Variants in RCAN2 observed in about 807,000 individuals in gnomAD.
RCAN2 encodes regulator of calcineurin 2.
A neutral mutation model predicts 23.6 loss-of-function variants in RCAN2; 9 were observed. The observed-to-expected ratio is 0.38, with a 90% CI of 0.23 to 0.67. The LOEUF is 0.67. Ranked by LOEUF, RCAN2 falls within the 30% of genes least tolerant of loss-of-function variation. The probability of loss-of-function intolerance (pLI) is 0.51; values close to 1 mark genes in which losing one functional copy is unlikely to be tolerated. For synonymous variants in RCAN2, 109 were observed against 115.7 expected (o/e 0.94, Z 0.37); for missense variants, 273 against 302.3 (o/e 0.90, Z 0.72).
At chr6:46,274,777 T>C (rs1377411534) in intron 2 of RCAN2, among the ~76,000 whole-genome samples, 2 of 152,074 alleles carry the variant, frequency 1.3e-5, no homozygotes, top group Non-Finnish European at 2.9e-5. Context: ...TTTCCCATAG[T>C]TCTAGAGTGT....
intron 2 of RCAN2, among the ~76,000 whole-genome samples, chr6:46,322,251 A>T (rs750297942): frequency 3.9e-5 from 6 of 152,232 alleles, no homozygotes; most frequent in Non-Finnish European, 7.3e-5. Context: ...ACACACAGAA[A>T]TTCTGCAGTT....
intron 2 of RCAN2, among the ~76,000 whole-genome samples, chr6:46,332,475 A>T (rs990065643): frequency 8.3e-6 from 1 of 120,994 alleles, no homozygotes; most frequent in Non-Finnish European, 1.6e-5. Context: ...CCACCCCACA[A>T]CAGTCCCCAG....
At chr6:46,390,337 G>T (rs1765895230) in intron 2 of RCAN2, among the ~76,000 whole-genome samples, 1 of 152,204 alleles carries the variant, frequency 6.6e-6, no homozygotes, top group African/African-American at 2.4e-5. Context: ...CATCATGGAT[G>T]AATGGAATGC....
chr6:46,266,134 C>T (rs182437337), intron 2 of RCAN2, among the ~76,000 whole-genome samples: 2 of 152,268 alleles, frequency 1.3e-5, no homozygotes, highest in Admixed American at 1.3e-4. Flanking sequence ...CCCAGATAAT[C>T]AGTAGCCCAT....
intron 1 of RCAN2, among the ~76,000 whole-genome samples, chr6:46,474,814 G>T (rs537819993): frequency 1.3e-5 from 2 of 152,310 alleles, no homozygotes; most frequent in African/African-American, 2.4e-5. Context: ...GAACACAATT[G>T]GGGGTGAGTA....
At chr6:46,356,169 C>G (rs910368987) in intron 2 of RCAN2, among the ~76,000 whole-genome samples, 3 of 152,158 alleles carry the variant, frequency 2.0e-5, no homozygotes, top group Non-Finnish European at 2.9e-5. Flanking sequence ...AGAAGTGGAA[C>G]GCCTGGAAAA....
intron 2 of RCAN2, among the ~76,000 whole-genome samples, chr6:46,433,932 T>C (rs1339333766): frequency 2.6e-5 from 4 of 152,228 alleles, no homozygotes; most frequent in African/African-American, 2.4e-5. Context: ...CTGCACACAA[T>C]TGGTGGAGCG....
intron 1 of RCAN2, among the ~76,000 whole-genome samples, chr6:46,480,201 G>C (rs1343442239): frequency 1.3e-5 from 2 of 152,180 alleles, no homozygotes; most frequent in African/African-American, 2.4e-5. Flanking sequence ...AATTATAGGA[G>C]AGTAACTCAA....
At chr6:46,277,273 C>G (rs952514269) in intron 2 of RCAN2, among the ~76,000 whole-genome samples, 1 of 152,130 alleles carries the variant, frequency 6.6e-6, no homozygotes, top group African/African-American at 2.4e-5. Flanking sequence ...GTTAATTTTC[C>G]TATTAGGAAG....
chr6:46,289,971 A>T (rs1762492991), intron 2 of RCAN2, among the ~76,000 whole-genome samples: 1 of 152,124 alleles, frequency 6.6e-6, no homozygotes, highest in Non-Finnish European at 1.5e-5. Context: ...CATGTTTTTC[A>T]TTCCCCAAGG....
chr6:46,234,308 C>T (rs1473257821), intron 4 of RCAN2, among the ~76,000 whole-genome samples: 1 of 152,206 alleles, frequency 6.6e-6, no homozygotes, highest in African/African-American at 2.4e-5. Flanking sequence ...TGCTGAGAAC[C>T]ACAAAATAAA....
At chr6:46,367,053 A>ATATATATATATATATATATATATATC (rs1561877011) in intron 2 of RCAN2, among the ~76,000 whole-genome samples, 1 of 126,384 alleles carries the variant, frequency 7.9e-6, no homozygotes. Context: ...ATATATATAT[A>ATATATATATATATATATATATATATC]TCCTAGCTGA....
At chr6:46,455,868 GAA>G (rs1561912912) in intron 2 of RCAN2, among the ~76,000 whole-genome samples, 2 of 131,790 alleles carry the variant, frequency 1.5e-5, no homozygotes, top group African/African-American at 5.8e-5. Context: ...AAAAAAAAAA[GAA>G]AGAAAGAAAG....
chr6:46,383,080 C>A (rs920513022), intron 2 of RCAN2, among the ~76,000 whole-genome samples: 5 of 151,744 alleles, frequency 3.3e-5, no homozygotes, highest in African/African-American at 1.2e-4. Flanking sequence ...GGAACTTGAA[C>A]ATGAAGTACA....
intron 2 of RCAN2, among the ~76,000 whole-genome samples, chr6:46,357,232 G>T (rs970496127): frequency 6.6e-6 from 1 of 152,156 alleles, no homozygotes; most frequent in African/African-American, 2.4e-5. Context: ...AAACTTCAGG[G>T]CAACTAAATG....
At chr6:46,444,664 C>CTA (rs1377450157) in intron 2 of RCAN2, among the ~76,000 whole-genome samples, 1 of 152,182 alleles carries the variant, frequency 6.6e-6, no homozygotes, top group African/African-American at 2.4e-5. Context: ...AAGCCAGTCC[C>CTA]TACAGCCTCA....
intron 1 of RCAN2, among the ~76,000 whole-genome samples, chr6:46,481,054 C>T (rs1411901786): frequency 6.6e-6 from 1 of 152,190 alleles, no homozygotes; most frequent in African/African-American, 2.4e-5. Context: ...CATTTTACCA[C>T]TGACTGAGTG....
intron 2 of RCAN2, among the ~76,000 whole-genome samples, chr6:46,405,559 C>A (rs1766374260): frequency 6.6e-6 from 1 of 152,340 alleles, no homozygotes; most frequent in South Asian, 2.1e-4. Context: ...CAAGGCCCCA[C>A]CAGAGCAGCT....
intron 2 of RCAN2, among the ~76,000 whole-genome samples, chr6:46,264,072 C>T (rs1196282998): frequency 6.6e-6 from 1 of 152,148 alleles, no homozygotes; most frequent in Non-Finnish European, 1.5e-5. Context: ...GAATGCTACC[C>T]GGTGTTGTAG....
Sources: gnomAD v4.1 joint callset for allele counts (sites outside exome capture counted in the v4.1 genomes callset) on GRCh38, gnomAD v4.1.1 for gene constraint, MANE v1.5 for transcripts, NCBI Gene and HGNC (gene_info 2026-07-23, HGNC 2026-07-21) for gene names.